The following PHF14 variants were observed in gnomAD, a reference collection of about 807,000 sequenced individuals.
PHF14 encodes PHD finger protein 14.
Under a neutral mutation model 117.9 loss-of-function variants are expected in PHF14, and 55 were observed. The observed-to-expected ratio is 0.47, with a 90% CI of 0.38 to 0.58. The LOEUF (loss-of-function observed/expected upper bound fraction) is 0.58, where lower values mean the gene tolerates loss of function less well. PHF14 is among the 20% of genes least tolerant of loss of function. The pLI is 0.00. For missense variants in PHF14, 978 were observed against 1,122.2 expected, an observed-to-expected ratio of 0.87 and a Z score of 1.84; for synonymous variants, 409 against 368.6, an observed-to-expected ratio of 1.11 and a Z score of -1.26.
intron 17 of PHF14, among the ~76,000 whole-genome samples, chr7:11,125,214 G>A (rs1012911469): frequency 1.3e-5 from 2 of 152,036 alleles, no homozygotes; most frequent in Non-Finnish European, 2.9e-5. Context: ...TTTTACCTCA[G>A]TCAAATCTTA....
At chr7:11,000,408 T>C (rs981187348) in intron 4 of PHF14, among the ~76,000 whole-genome samples, 3 of 147,204 alleles carry the variant, frequency 2.0e-5, no homozygotes, top group Non-Finnish European at 4.5e-5. Context: ...GGTGGGATCT[T>C]GGCTCACTGC....
At chr7:11,088,511 C>T (rs1367593714) in intron 16 of PHF14, among the ~76,000 whole-genome samples, 1 of 152,034 alleles carries the variant, frequency 6.6e-6, no homozygotes, top group Non-Finnish European at 1.5e-5. Flanking sequence ...TTTTTGTTTT[C>T]ATCCATTTTT....
intron 17 of PHF14, among the ~76,000 whole-genome samples, chr7:11,156,871 G>C (rs951799048): frequency 1.3e-5 from 2 of 152,086 alleles, no homozygotes; most frequent in Non-Finnish European, 2.9e-5. Context: ...TTGATGTTGA[G>C]TTTATGTTAA....
intron 4 of PHF14, among the ~76,000 whole-genome samples, chr7:11,005,121 T>C (rs1562414779): frequency 6.6e-6 from 1 of 152,116 alleles, no homozygotes; most frequent in East Asian, 1.9e-4. Flanking sequence ...CTATTTGTAA[T>C]TAATGATAAA....
chr7:11,045,848 A>G (rs1369180539), intron 13 of PHF14, among the ~76,000 whole-genome samples: 2 of 152,222 alleles, frequency 1.3e-5, no homozygotes, highest in Non-Finnish European at 2.9e-5. Context: ...AAGACAGCAG[A>G]TGGTTGGTAA....
chr7:10,983,594 A>G (rs938344346), intron 3 of PHF14, among the ~76,000 whole-genome samples: 6 of 152,200 alleles, frequency 3.9e-5, no homozygotes, highest in Non-Finnish European at 8.8e-5. Context: ...GAGCAGGGCA[A>G]CAGTCTAATG....
intron 4 of PHF14, among the ~76,000 whole-genome samples, chr7:11,001,859 C>G (rs1349986718): frequency 6.6e-6 from 1 of 152,090 alleles, no homozygotes; most frequent in Non-Finnish European, 1.5e-5. Flanking sequence ...ATTTTTGTTT[C>G]CCTTTCTTGT....
chr7:11,048,088 A>G (rs796929373), intron 13 of PHF14, among the ~76,000 whole-genome samples: 7 of 152,238 alleles, frequency 4.6e-5, no homozygotes, highest in African/African-American at 1.7e-4. Flanking sequence ...AAAGGTTAAG[A>G]TTATCTTCAG....
Position 11,040,751 on chromosome 7 carries a change from C to T in PHF14, c.2156C>T (p.Ser719Phe). 1.3e-6 allele frequency: 2 copies of T among 1,553,286 alleles called. No individual in the cohort carries two copies. The highest frequency in any genetic ancestry group is 1.7e-6 in the Non-Finnish European group (2 of 1,144,850). ...AAAGAAGGAGGCACACAAAAGACAT[C>T]TACTCTTCCTGCAGTACTTTATAGG... is the stretch of plus-strand genomic sequence containing the variant. ...SKKEGGTQKT[S>F]TLPAVLYSCG... is the part of the protein sequence containing the mutation. The change falls in exon 12 of 18, where the codon TCT becomes TTT. Residue 719 changes from serine to phenylalanine, a missense_variant. Transcript: ENST00000634607.
In PHF14 at chr7:11,110,346, G is replaced by A. The variant is rs140802799; in HGVS notation, c.2655-1004G>A. On this transcript the variant is annotated intron_variant, in intron 16 of 17. Transcript: ENST00000634607. The stretch of plus-strand genomic sequence containing the variant: ...AACAATAAAGAAAATCTGACAGATT[G>A]GTTGAGAAAGTATTATTGTTTAATT... 1,062 of 153,004 alleles carry A rather than the reference G, an allele frequency of 6.9e-3. 7 individuals are homozygous for A. Among genetic ancestry groups the A allele is most frequent in the Non-Finnish European group, 0.011 (748 of 68,766 alleles). The allele number at this position is 153,004 out of a possible 1,614,324, so 9.5% of individuals were successfully genotyped here. A position where few individuals can be genotyped will look rare whatever the true frequency, so the allele number is the denominator to read the frequency against.
At chr7:11,159,043 T>C (rs1306020776) in intron 17 of PHF14, among the ~76,000 whole-genome samples, 1 of 152,162 alleles carries the variant, frequency 6.6e-6, no homozygotes, top group Non-Finnish European at 1.5e-5. Context: ...ATTTTAAGTA[T>C]TGAAATATTT....
chr7:11,055,577 C>T (rs1309861038), intron 14 of PHF14, among the ~76,000 whole-genome samples: 3 of 152,050 alleles, frequency 2.0e-5, no homozygotes, highest in African/African-American at 7.2e-5. Flanking sequence ...TATTGTTTTT[C>T]AGGATGCATT....
intron 17 of PHF14, among the ~76,000 whole-genome samples, chr7:11,154,417 CTTTGTA>C (rs1323335189): frequency 6.6e-6 from 1 of 152,066 alleles, no homozygotes; most frequent in East Asian, 1.9e-4. Flanking sequence ...GATAAAAATG[CTTTGTA>C]TTTGTAAGAA....
At chr7:11,053,006 T>C (rs557897146) in intron 14 of PHF14, among the ~76,000 whole-genome samples, 17 of 152,154 alleles carry the variant, frequency 1.1e-4, no homozygotes, top group Non-Finnish European at 2.4e-4. Context: ...CTTACAGTTA[T>C]GAATTCTTAG....
At chr7:10,981,180 A>T (rs924199601) in intron 2 of PHF14, among the ~76,000 whole-genome samples, 1 of 152,146 alleles carries the variant, frequency 6.6e-6, no homozygotes, top group South Asian at 2.1e-4. Context: ...TTAATTACAG[A>T]GGTTAAGCCT....
chr7:11,017,544 A>G (rs1456458637), intron 5 of PHF14, among the ~76,000 whole-genome samples: 2 of 151,722 alleles, frequency 1.3e-5, no homozygotes, highest in African/African-American at 4.8e-5. Flanking sequence ...GCTTCTTTTT[A>G]TATGTCTTTT....
chr7:11,165,588 T>C (rs1455914008), intron 17 of PHF14, among the ~76,000 whole-genome samples: 4 of 152,192 alleles, frequency 2.6e-5, no homozygotes, highest in Non-Finnish European at 5.9e-5. Context: ...TCTGTACTCA[T>C]AGAGTGTAAT....
intron 16 of PHF14, among the ~76,000 whole-genome samples, chr7:11,085,601 G>A (rs2995901): frequency 0.51 from 77,805 of 151,978 alleles, 20,737 homozygotes; most frequent in East Asian, 0.85. Context: ...TTTAACATTG[G>A]TGACCAACCT....
intron 16 of PHF14, among the ~76,000 whole-genome samples, chr7:11,070,227 G>A (rs1035658128): frequency 2.0e-5 from 3 of 150,854 alleles, no homozygotes; most frequent in South Asian, 2.1e-4. Flanking sequence ...ACAAGTGCGC[G>A]CCACCATGCC....
Sources: gnomAD v4.1 joint callset for allele counts (sites outside exome capture counted in the v4.1 genomes callset) on GRCh38, gnomAD v4.1.1 for gene constraint, MANE v1.5 for transcripts, NCBI Gene and HGNC (gene_info 2026-07-23, HGNC 2026-07-21) for gene names.